The following AK8 variants were observed in gnomAD, a reference collection of about 807,000 sequenced individuals.
AK8 encodes the protein ATP-AMP transphosphorylase 8.
AK8 carries 44 observed loss-of-function variants against 54.6 expected under a neutral mutation model. The ratio of observed to expected loss-of-function variants is 0.81; its 90% CI spans 0.63 to 1.04. The LOEUF (loss-of-function observed/expected upper bound fraction) is 1.04, where lower values mean the gene tolerates loss of function less well. Ranked by LOEUF, AK8 falls within the 50% of genes least tolerant of loss-of-function variation. The probability of loss-of-function intolerance (pLI) is 0.00; values close to 1 mark genes in which losing one functional copy is unlikely to be tolerated. For missense variants in AK8, 555 were observed against 613.6 expected (o/e 0.90, Z 1.01); for synonymous variants, 239 against 245.6 (o/e 0.97, Z 0.25).
Position 132,863,747 on chromosome 9 carries a change from C to T in AK8, c.251G>A (p.Ser84Asn), listed in dbSNP as rs781746916. ...AMWLCKHLNS[S>N]LLTLENLILN... ...GATCAGGTTCTCCAGGGTGAGGAGA[C>T]TGCTGTTCAGATGTTTGCAGAGCCA... Residue 84 changes from serine (S) to asparagine (N), a missense_variant, in exon 4 of 13, where the codon AGT becomes AAT. Physicochemically the swap from Ser to Asn is conservative, Grantham distance 46. Coordinates refer to ENST00000298545, the MANE Select transcript of AK8 (RefSeq NM_152572.3). The T allele has an allele frequency of 1.5e-5, 25 of 1,614,000 alleles. No individual in the cohort carries two copies. Among genetic ancestry groups the T allele is most frequent in the African/African-American group, 2.7e-5 (2 of 74,926 alleles).
chr9:132,864,853 C>T (rs1265853676), intron 3 of AK8, among the ~76,000 whole-genome samples: 1 of 152,130 alleles, frequency 6.6e-6, no homozygotes, highest in Non-Finnish European at 1.5e-5. Flanking sequence ...CACAGATGGC[C>T]CCAGAATTCA....
intron 11 of AK8, among the ~76,000 whole-genome samples, chr9:132,733,102 G>A (rs1257306563): frequency 6.6e-6 from 1 of 152,064 alleles, no homozygotes; most frequent in African/African-American, 2.4e-5. Context: ...GAGCCCAACT[G>A]TTTCCCCAGC....
At chr9:132,838,350 G>A (rs1227777915) in intron 5 of AK8, among the ~76,000 whole-genome samples, 1 of 152,148 alleles carries the variant, frequency 6.6e-6, no homozygotes, top group East Asian at 1.9e-4. Flanking sequence ...AAAGAACCAA[G>A]TTTCCATGAT....
chr9:132,793,030 C>T (rs1840013723), intron 10 of AK8, among the ~76,000 whole-genome samples: 1 of 151,820 alleles, frequency 6.6e-6, no homozygotes, highest in Admixed American at 6.6e-5. Context: ...ACGACACCAT[C>T]CCCACCTGCA....
upstream of AK8, chr9:132,878,733 G>C: frequency 2.0e-6 from 2 of 986,806 alleles, no homozygotes; most frequent in Non-Finnish European, 2.4e-6. The surrounding 1 kb of genome is among the most constrained non-coding windows in gnomAD (Gnocchi z 4.7). Flanking sequence ...GGAGGTTCGA[G>C]GATCGGGTGG....
rs150435779 is a variant in AK8 at position 132,826,808 on chromosome 9, C to T, written c.757+46G>A. 1.0e-4 allele frequency: 167 copies of T among 1,593,596 alleles called. No homozygotes were observed. Among genetic ancestry groups the T allele is most frequent in the Non-Finnish European group, 1.3e-4 (155 of 1,161,698 alleles). ...AAGTGGTAGAAGGCACAGCGAGCCC[C>T]GCCCTTGGCCGTCTGTCCAGGGTGG... On this transcript the variant is annotated intron_variant, in intron 8 of 12. Transcript: ENST00000298545. This position sits in a 1 kb window ranked among gnomAD's most constrained non-coding sequence, Gnocchi z 4.5.
rs747071372 is a variant in AK8, at chr9:132,799,466, C to A, written c.980-6691G>T. On this transcript the variant is annotated intron_variant, in intron 10 of 12. Transcript: ENST00000298545. This position sits in a 1 kb window ranked among gnomAD's most constrained non-coding sequence, Gnocchi z 5.0. ...CACACCCTTGCACATGCCCTGCACA[C>A]GTCACCCCTCCATGCACACTCATAA... Among the ~76,000 whole-genome samples, 2 of 151,976 alleles carry A rather than the reference C, an allele frequency of 1.3e-5. No homozygotes were observed. The highest frequency in any genetic ancestry group is 6.6e-5 in the Admixed American group (1 of 15,266).
At chr9:132,778,024 C>T (rs1228291204) in intron 11 of AK8, among the ~76,000 whole-genome samples, 1 of 152,222 alleles carries the variant, frequency 6.6e-6, no homozygotes, top group Non-Finnish European at 1.5e-5. Context: ...GCATCACGGC[C>T]CATGCGACAA....
chr9:132,827,917 C>T (rs1189105371), intron 7 of AK8, 96 bp downstream of exon 7: 1 of 1,286,890 alleles, frequency 7.8e-7, no homozygotes, highest in African/African-American at 1.5e-5. Flanking sequence ...TGTGGGTGCC[C>T]AGAGCAGAAT....
chr9:132,823,398 A>G, intron 8 of AK8, 62 bp from the exon 9 acceptor site: 1 of 1,604,800 alleles, frequency 6.2e-7, no homozygotes, highest in Non-Finnish European at 8.5e-7. Flanking sequence ...ACCCGCTTGC[A>G]GCCCCTCTGC....
chr9:132,807,735 A>C (rs1840787897), intron 10 of AK8, among the ~76,000 whole-genome samples: 1 of 152,248 alleles, frequency 6.6e-6, no homozygotes, highest in Admixed American at 6.5e-5. Context: ...GGTGAGTTTG[A>C]ACAACAGAGT....
chr9:132,761,134 T>A (rs1838439892), intron 11 of AK8, among the ~76,000 whole-genome samples: 1 of 152,220 alleles, frequency 6.6e-6, no homozygotes, highest in Admixed American at 6.5e-5. Flanking sequence ...CCTTGAATAC[T>A]GTGGTAGATT....
chr9:132,830,467 C>T (rs1042125544), intron 5 of AK8, among the ~76,000 whole-genome samples: 1 of 152,218 alleles, frequency 6.6e-6, no homozygotes. Flanking sequence ...CAGCAAAATA[C>T]AGTATACCAC....
At chr9:132,877,582 C>T (rs1211147436) in intron 1 of AK8, among the ~76,000 whole-genome samples, 2 of 152,202 alleles carry the variant, frequency 1.3e-5, no homozygotes, top group African/African-American at 4.8e-5. Flanking sequence ...CCCAAAGTCA[C>T]ACGGTGAGCT....
chr9:132,874,458 A>G (rs1843997984), intron 2 of AK8: 1 of 152,742 alleles, frequency 6.5e-6, no homozygotes. Context: ...CCAACGAAAG[A>G]AACATAAAAG....
At chr9:132,759,214 A>T (rs1838339276) in intron 11 of AK8, among the ~76,000 whole-genome samples, 1 of 151,824 alleles carries the variant, frequency 6.6e-6, no homozygotes, top group Non-Finnish European at 1.5e-5. Flanking sequence ...AAAAAAAAAA[A>T]AATAGAAATG....
At chr9:132,877,761 G>T in intron 1 of AK8, 1 of 453,594 alleles carries the variant, frequency 2.2e-6, no homozygotes, top group Non-Finnish European at 4.4e-6. Flanking sequence ...AGAAACCTGG[G>T]CCGAGAGGCT....
intron 11 of AK8, among the ~76,000 whole-genome samples, chr9:132,756,377 T>C (rs189652969): frequency 9.4e-4 from 143 of 152,330 alleles, no homozygotes; most frequent in African/African-American, 3.2e-3. Context: ...TAGAGGCACC[T>C]TGAGGTGTGG....
At chr9:132,762,367 T>C (rs1838519452) in intron 11 of AK8, among the ~76,000 whole-genome samples, 1 of 152,198 alleles carries the variant, frequency 6.6e-6, no homozygotes, top group Non-Finnish European at 1.5e-5. Flanking sequence ...TGTTCTTCTT[T>C]TGAGATTTAT....
Sources: allele counts gnomAD v4.1 joint callset (sites outside exome capture counted in the v4.1 genomes callset), GRCh38; gene constraint gnomAD v4.1.1; non-coding constraint Gnocchi (gnomAD v3.1); transcripts MANE v1.5; gene names NCBI Gene and HGNC (gene_info 2026-07-23, HGNC 2026-07-21).